The following SYCP2 variants were observed in gnomAD, a reference collection of about 807,000 sequenced individuals.
The protein encoded by SYCP2 is synaptonemal complex lateral element protein.
In SYCP2, 55 loss-of-function variants were observed where a neutral mutation model predicts 211.3. The observed-to-expected ratio is 0.26, with a 90% CI of 0.21 to 0.33. The LOEUF (loss-of-function observed/expected upper bound fraction) is 0.33. Among genes scored for constraint, SYCP2 ranks in the 10% least tolerant of loss-of-function variants. SYCP2 has a pLI of 1.00. For synonymous variants in SYCP2, 570 were observed against 555.2 expected, an observed-to-expected ratio of 1.03 and a Z score of -0.37; for missense variants, 1,731 against 1,752.0, an observed-to-expected ratio of 0.99 and a Z score of 0.21.
rs765451589 is a variant in SYCP2, at chr20:59,900,034, A to C, written c.1404+104T>G. On this transcript the variant is annotated intron_variant, in intron 18 of 44. Transcript: ENST00000357552. ...AAACACTCTGAAATGTGATTGATCA[A>C]GGCCAATAATATATAAATTCTAGAT... 4.9e-6 allele frequency: 6 copies of C among 1,224,198 alleles called. No individual in the cohort carries two copies. In the South Asian group the frequency reaches 7.8e-5, roughly 16 times the overall value. The allele number at this position is 1,224,198 out of a possible 1,614,324, so 75.8% of individuals were successfully genotyped here. A position where few individuals can be genotyped will look rare whatever the true frequency, so the allele number is the denominator to read the frequency against.
At chr20:59,864,455 T>G in intron 44 of SYCP2, 67 bp from the exon 45 acceptor site, 1 of 1,069,412 alleles carries the variant, frequency 9.4e-7, no homozygotes, top group Admixed American at 2.7e-5. Context: ...CCAAATAAAA[T>G]AGAAAAAAAA....
rs945217368 is a variant in SYCP2 at position 59,933,581 on chromosome 20, G to A, written c.-152C>T. 6.6e-6 allele frequency: 1 copy of A among 152,150 alleles called. No homozygotes were observed. Among genetic ancestry groups the A allele is most frequent in the African/African-American group, 2.4e-5 (1 of 41,458 alleles). The allele number at this position is 152,150 out of a possible 1,614,324, so 9.4% of individuals were successfully genotyped here. A position where few individuals can be genotyped will look rare whatever the true frequency, so the allele number is the denominator to read the frequency against. ...CTGCTCAACCTGCCTGCGGCAGGAG[G>A]CGTCCGCGTAGTGTCGGTGGAGCCG... On this transcript the variant is annotated 5_prime_UTR_variant, in exon 1 of 45. Coordinates refer to ENST00000357552, the MANE Select transcript of SYCP2 (RefSeq NM_014258.4).
At chr20:59,887,358 T>C (rs940371907) in intron 24 of SYCP2, among the ~76,000 whole-genome samples, 1 of 152,204 alleles carries the variant, frequency 6.6e-6, no homozygotes, top group African/African-American at 2.4e-5. Context: ...TAGTATTCCA[T>C]GGTGTATTTG....
At chr20:59,886,876 T>C in intron 24 of SYCP2, 42 bp from the exon 25 acceptor site, 1 of 1,473,636 alleles carries the variant, frequency 6.8e-7, no homozygotes. Flanking sequence ...TACCAGTTAA[T>C]CTTTAAAGGA....
chr20:59,919,611 T>C lies in SYCP2; in HGVS notation c.298-14A>G. ...CCAGGCAACCATGTAAAAAAAGGAA[T>C]GAACTTATTAGAGTTCCATTTTAAT... On this transcript the variant is annotated splice_polypyrimidine_tract_variant and intron_variant, in intron 5 of 44. Coordinates refer to ENST00000357552, the MANE Select transcript of SYCP2 (RefSeq NM_014258.4). The C allele has an allele frequency of 6.6e-7, 1 of 1,511,934 alleles. No homozygotes were observed. Among genetic ancestry groups the C allele is most frequent in the Non-Finnish European group, 9.1e-7 (1 of 1,094,122 alleles). The allele number at this position is 1,511,934 out of a possible 1,614,324, so 93.7% of individuals were successfully genotyped here.
chr20:59,875,947 A>T (rs1478633015), intron 33 of SYCP2, among the ~76,000 whole-genome samples: 2 of 152,116 alleles, frequency 1.3e-5, no homozygotes, highest in African/African-American at 2.4e-5. Flanking sequence ...GGTAGAAAAA[A>T]GCTTGGAATG....
At chr20:59,897,207 G>C (rs1208007659) in intron 18 of SYCP2, among the ~76,000 whole-genome samples, 1 of 152,016 alleles carries the variant, frequency 6.6e-6, no homozygotes, top group South Asian at 2.1e-4. Context: ...TAAAAGAGCT[G>C]GTTTTAAGGC....
intron 1 of SYCP2, chr20:59,933,120 C>G (rs1369800430): frequency 1.3e-5 from 2 of 152,530 alleles, no homozygotes; most frequent in Non-Finnish European, 1.5e-5. Context: ...GTCCCCAGGG[C>G]TCCCGTCGCC....
In SYCP2 at chr20:59,915,489, G is replaced by C. The variant is rs150463446; in HGVS notation, c.575C>G (p.Ser192Cys). ...KMPQDARKIL[S>C]NQEMLILMSS... ...CATGAGAATTAACATTTCTTGGTTA[G>C]AGAGTATTTTCCGGGCATCTTGAGG... Residue 192 changes from serine to cysteine, a missense_variant, in exon 9 of 45, where the codon TCT becomes TGT. Transcript: ENST00000357552. 30 of 1,606,794 alleles carry C rather than the reference G, an allele frequency of 1.9e-5. No homozygotes were observed. Among genetic ancestry groups the C allele is most frequent in the Non-Finnish European group, 2.0e-5 (24 of 1,173,804 alleles).
chr20:59,895,298 G>C lies in SYCP2; in HGVS notation c.1665+139C>G, dbSNP rs539900540. The C allele has an allele frequency of 3.7e-4, 236 of 641,000 alleles. 5 individuals are homozygous for C. In the South Asian group the frequency reaches 5.7e-3, roughly 16 times the overall value. The allele number at this position is 641,000 out of a possible 1,614,324, so 39.7% of individuals were successfully genotyped here. On this transcript the variant is annotated intron_variant, in intron 20 of 44. Coordinates refer to ENST00000357552, the MANE Select transcript of SYCP2 (RefSeq NM_014258.4). ...ATGCCAGAAGGACCCTACTTTCAAG[G>C]GCAATAAATATTTAGGGGAAAAAAG...
intron 31 of SYCP2, among the ~76,000 whole-genome samples, chr20:59,878,570 C>T (rs540858969): frequency 9.2e-5 from 14 of 152,190 alleles, no homozygotes; most frequent in African/African-American, 1.9e-4. Context: ...AATCTACTTA[C>T]GTATGCTCTC....
chr20:59,933,007 C>T lies in SYCP2; in HGVS notation c.-140+562G>A, dbSNP rs527395211. Reference sequence around the variant, plus strand: ...CCACCGCCGGCACGGTGACCCTTTTCCCAGGGTCACCCCCGAACCAACAAA... The same window carrying T: ...CCACCGCCGGCACGGTGACCCTTTTTCCAGGGTCACCCCCGAACCAACAAA... On this transcript the variant is annotated intron_variant, in intron 1 of 44. Coordinates refer to ENST00000357552, the MANE Select transcript of SYCP2 (RefSeq NM_014258.4). Among the ~76,000 whole-genome samples, 137 of 152,122 alleles carry T rather than the reference C, an allele frequency of 9.0e-4. No individual in the cohort carries two copies. In the East Asian group the frequency reaches 0.021, roughly 24 times the overall value.
At chr20:59,865,195 G>C (rs1482510968) in intron 44 of SYCP2, among the ~76,000 whole-genome samples, 193 bp downstream of exon 44, 1 of 151,588 alleles carries the variant, frequency 6.6e-6, no homozygotes, top group Admixed American at 6.6e-5. Context: ...TCCTTAGGAG[G>C]GCCTGTTTAA....
intron 26 of SYCP2, among the ~76,000 whole-genome samples, chr20:59,884,601 G>T (rs79612353): frequency 6.6e-6 from 1 of 151,772 alleles, no homozygotes; most frequent in African/African-American, 2.4e-5. Flanking sequence ...TTTTAAAAAG[G>T]TTATCTCTCA....
chr20:59,879,647 G>A (rs2059627896), intron 31 of SYCP2, among the ~76,000 whole-genome samples: 1 of 150,650 alleles, frequency 6.6e-6, no homozygotes, highest in Non-Finnish European at 1.5e-5. Context: ...CACTATCACA[G>A]AGAAAGCAGA....
intron 15 of SYCP2, among the ~76,000 whole-genome samples, chr20:59,902,402 C>G (rs2060131494): frequency 6.6e-6 from 1 of 151,966 alleles, no homozygotes; most frequent in African/African-American, 2.4e-5. Flanking sequence ...CAAAAGTTAC[C>G]AAAAAATTAC....
At chr20:59,892,823 T>G in intron 22 of SYCP2, 122 bp from the exon 23 acceptor site, 7 of 831,950 alleles carry the variant, frequency 8.4e-6, no homozygotes, top group Non-Finnish European at 1.2e-5. Context: ...ATGTGGAAAT[T>G]TATCTTATCT....
Position 59,893,708 on chromosome 20 carries a change from G to A in SYCP2, c.1666-115C>T. The A allele has an allele frequency of 7.9e-6, 5 of 631,310 alleles. No homozygotes were observed. The South Asian group carries it at 1.5e-4, about 19-fold the overall frequency. 39.1% of individuals were successfully genotyped at this position (631,310 alleles called of 1,614,324 possible). ...AAATCTGCCTTGATATGAAAAGTTG[G>A]ATACTATTTTTATATATTTCATAAA... On this transcript the variant is annotated intron_variant, in intron 20 of 44. Transcript: ENST00000357552.
At chr20:59,873,035 G>A (rs974204733) in intron 35 of SYCP2, among the ~76,000 whole-genome samples, 14 of 152,000 alleles carry the variant, frequency 9.2e-5, no homozygotes, top group African/African-American at 3.4e-4. Flanking sequence ...CACATTATAT[G>A]TATCATTTCT....
Sources: allele counts gnomAD v4.1 joint callset (sites outside exome capture counted in the v4.1 genomes callset), GRCh38; gene constraint gnomAD v4.1.1; transcripts MANE v1.5; gene names NCBI Gene and HGNC (gene_info 2026-07-23, HGNC 2026-07-21).